Variants in GPC5 observed in about 807,000 individuals in gnomAD.
GPC5 encodes glypican 5, also known as glypican-5.
GPC5 carries 47 observed loss-of-function variants against 53.9 expected under a neutral mutation model. That is an observed-to-expected ratio of 0.87 (90% confidence interval 0.69 to 1.11). The LOEUF (loss-of-function observed/expected upper bound fraction) is 1.11, where lower values mean the gene tolerates loss of function less well. Among genes scored for constraint, GPC5 ranks in the 50% most tolerant of loss-of-function variants. GPC5 has a pLI of 0.00. For missense variants in GPC5, 748 were observed against 713.1 expected (o/e 1.05, Z -0.56); for synonymous variants, 286 against 263.3 (o/e 1.09, Z -0.84).
chr13:92,481,445 G>A (rs1391974400), intron 7 of GPC5, among the ~76,000 whole-genome samples: 1 of 152,064 alleles, frequency 6.6e-6, no homozygotes, highest in East Asian at 1.9e-4. Flanking sequence ...ATTTGTTATA[G>A]CAGCAATGGG....
intron 5 of GPC5, among the ~76,000 whole-genome samples, chr13:91,889,063 A>G (rs1239358982): frequency 6.6e-6 from 1 of 152,186 alleles, no homozygotes; most frequent in Non-Finnish European, 1.5e-5. Context: ...GCTTTTCTTG[A>G]GTGAACTGTG....
chr13:92,740,799 A>G (rs980795647), intron 7 of GPC5, among the ~76,000 whole-genome samples: 2 of 151,472 alleles, frequency 1.3e-5, no homozygotes, highest in South Asian at 4.2e-4. Context: ...AGCAAGGGGT[A>G]GGATGATTAG....
intron 2 of GPC5, among the ~76,000 whole-genome samples, chr13:91,504,749 A>T (rs1884847905): frequency 1.3e-5 from 2 of 152,086 alleles, no homozygotes; most frequent in South Asian, 4.1e-4. Flanking sequence ...TTTGAGGCCA[A>T]GAGTTTGAAA....
intron 7 of GPC5, among the ~76,000 whole-genome samples, chr13:92,169,328 T>C (rs1297033180): frequency 1.3e-5 from 2 of 152,228 alleles, no homozygotes; most frequent in African/African-American, 4.8e-5. Context: ...ACATGTATCC[T>C]GGAACTTAAA....
At chr13:91,679,264 G>A (rs2035453440) in intron 2 of GPC5, among the ~76,000 whole-genome samples, 1 of 152,176 alleles carries the variant, frequency 6.6e-6, no homozygotes, top group Middle Eastern at 3.4e-3. Flanking sequence ...GGTGCCATGA[G>A]AACAGCTATT....
intron 7 of GPC5, among the ~76,000 whole-genome samples, chr13:92,182,889 AAGT>A (rs2042157975): frequency 6.8e-6 from 1 of 147,084 alleles, no homozygotes; most frequent in Non-Finnish European, 1.5e-5. Context: ...AAAAAAAAAA[AAGT>A]AAACATTTTA....
chr13:91,609,115 G>A (rs997930921), intron 2 of GPC5, among the ~76,000 whole-genome samples: 2 of 149,304 alleles, frequency 1.3e-5, no homozygotes, highest in Admixed American at 6.8e-5. Flanking sequence ...TATTAAGTGA[G>A]GTAAATATTT....
intron 7 of GPC5, among the ~76,000 whole-genome samples, chr13:92,317,688 G>C (rs2043188789): frequency 6.6e-6 from 1 of 151,750 alleles, no homozygotes; most frequent in Non-Finnish European, 1.5e-5. Flanking sequence ...TTTTACTAGA[G>C]ACAGGGTTTC....
chr13:91,668,940 G>A (rs1043397993), intron 2 of GPC5, among the ~76,000 whole-genome samples: 10 of 152,120 alleles, frequency 6.6e-5, no homozygotes, highest in Non-Finnish European at 1.3e-4. Context: ...AGGCATCAGG[G>A]TAAAATAGCA....
intron 7 of GPC5, among the ~76,000 whole-genome samples, chr13:92,620,158 T>C (rs1176543210): frequency 2.0e-5 from 3 of 152,054 alleles, no homozygotes; most frequent in Non-Finnish European, 2.9e-5. Flanking sequence ...TATACTTTTA[T>C]TAAAATTTTA....
chr13:91,586,501 T>G (rs1387503794), intron 2 of GPC5, among the ~76,000 whole-genome samples: 12 of 342 alleles, frequency 0.035, no homozygotes, highest in Middle Eastern at 0.5. Flanking sequence ...GGCAGCAGGA[T>G]ATATATATAT....
At chr13:91,831,988 A>T (rs966944043) in intron 5 of GPC5, among the ~76,000 whole-genome samples, 6 of 151,708 alleles carry the variant, frequency 4.0e-5, no homozygotes, top group African/African-American at 1.5e-4. Flanking sequence ...CTTGGTCCAG[A>T]GCTGGGTTCA....
At chr13:91,497,023 T>C (rs1884306497) in intron 2 of GPC5, among the ~76,000 whole-genome samples, 1 of 152,206 alleles carries the variant, frequency 6.6e-6, no homozygotes, top group Non-Finnish European at 1.5e-5. Context: ...TTTCTTCCCT[T>C]TTATATATAC....
chr13:91,587,459 T>C (rs1366712693), intron 2 of GPC5, among the ~76,000 whole-genome samples: 1 of 152,158 alleles, frequency 6.6e-6, no homozygotes, highest in Non-Finnish European at 1.5e-5. Flanking sequence ...ATAAGCAATG[T>C]GTCAGTCAGT....
intron 5 of GPC5, among the ~76,000 whole-genome samples, chr13:91,897,662 A>G (rs1295166968): frequency 6.6e-6 from 1 of 152,192 alleles, no homozygotes; most frequent in African/African-American, 2.4e-5. Context: ...TGTTCTCTAT[A>G]AAAATATGCA....
At position 92,663,854 on chromosome 13, in the gene GPC5, CACTATATATATATATATA is replaced by C. The variant is rs1428336435; in HGVS notation, c.1562-202427_1562-202410del. Among the ~76,000 whole-genome samples, 23 of 75,312 alleles carry C rather than the reference CACTATATATATATATATA, an allele frequency of 3.1e-4. No homozygotes were observed. In the South Asian group the frequency reaches 6.2e-3, roughly 20 times the overall value. The allele number at this position is 75,312 out of a possible 152,430, so 49.4% of individuals were successfully genotyped here. A position where few individuals can be genotyped will look rare whatever the true frequency, so the allele number is the denominator to read the frequency against. ...CACACTATATATATATACACACACA[CACTATATATATATATATA>C]TATATATATATATATATATATATAT... is the stretch of plus-strand genomic sequence containing the variant. On this transcript the variant is annotated intron_variant, in intron 7 of 7. Transcript: ENST00000377067.
chr13:92,519,048 G>A (rs1469153761), intron 7 of GPC5, among the ~76,000 whole-genome samples: 1 of 152,174 alleles, frequency 6.6e-6, no homozygotes. Flanking sequence ...TTACATAATG[G>A]TAAAGGAATC....
chr13:92,302,973 T>C (rs1454671243), intron 7 of GPC5, among the ~76,000 whole-genome samples: 1 of 152,228 alleles, frequency 6.6e-6, no homozygotes, highest in African/African-American at 2.4e-5. Context: ...TTTCAAAACC[T>C]TTATTTCTAT....
intron 6 of GPC5, among the ~76,000 whole-genome samples, chr13:92,037,913 G>A (rs965095809): frequency 6.6e-6 from 1 of 152,134 alleles, no homozygotes; most frequent in African/African-American, 2.4e-5. Flanking sequence ...GATTTCAGGA[G>A]AATCATAGGA....
Sources: gnomAD v4.1 joint callset for allele counts (sites outside exome capture counted in the v4.1 genomes callset) on GRCh38, gnomAD v4.1.1 for gene constraint, MANE v1.5 for transcripts, NCBI Gene and HGNC (gene_info 2026-07-23, HGNC 2026-07-21) for gene names.